EXOC3L2: variants seen among roughly 807,000 people sequenced by gnomAD.
EXOC3L2 encodes the protein exocyst complex component 3 like 2.
A neutral mutation model predicts 44.4 loss-of-function variants in EXOC3L2; 17 were observed. The ratio of observed to expected loss-of-function variants is 0.38; its 90% CI spans 0.26 to 0.57. The LOEUF (loss-of-function observed/expected upper bound fraction) is 0.57, where lower values mean the gene tolerates loss of function less well. Ranked by LOEUF, EXOC3L2 falls within the 20% of genes least tolerant of loss-of-function variation. The probability of loss-of-function intolerance (pLI) is 0.65; values close to 1 mark genes in which losing one functional copy is unlikely to be tolerated. For missense variants in EXOC3L2, 541 were observed against 588.4 expected, an observed-to-expected ratio of 0.92 and a Z score of 0.83; for synonymous variants, 256 against 253.7, an observed-to-expected ratio of 1.01 and a Z score of -0.09.
rs1970061896 is a variant in EXOC3L2, at chr19:45,234,438, C to T, written c.912G>A (p.Ala304=). The change falls in exon 3 of 12, where the codon GCG becomes GCA. Residue 304 remains alanine, a synonymous_variant. Transcript: ENST00000413988. This position sits in a 1 kb window ranked among gnomAD's most constrained non-coding sequence, Gnocchi z 5.0. ...ARAARERLEA[A]APGAPGGLAG... ...CCAGGCCCCCGGGCGCCCCGGGAGCCGCTGCCTCTAGGCGCTCCCGGGCCG... is the reference window on the plus strand; with the variant it reads ...CCAGGCCCCCGGGCGCCCCGGGAGCTGCTGCCTCTAGGCGCTCCCGGGCCG... The T allele has an allele frequency of 1.8e-5, 5 of 278,568 alleles. No homozygotes were observed. The South Asian group carries it at 7.3e-4, about 41-fold the overall frequency. 17.3% of individuals were successfully genotyped at this position (278,568 alleles called of 1,614,324 possible).
chr19:45,223,551 C>T (rs1969921355), intron 8 of EXOC3L2, among the ~76,000 whole-genome samples: 1 of 151,402 alleles, frequency 6.6e-6, no homozygotes, highest in African/African-American at 2.4e-5. Context: ...CCATATTGGC[C>T]AGGCTGGTCT....
chr19:45,216,011 C>T, intron 11 of EXOC3L2, 62 bp downstream of exon 11: 12 of 1,595,882 alleles, frequency 7.5e-6, no homozygotes, highest in Non-Finnish European at 1.0e-5. Context: ...GGGACGGATG[C>T]CAAGGCCGCC....
At chr19:45,239,157 C>G (rs1216410253) in intron 1 of EXOC3L2, 96 bp from the exon 2 acceptor site, 1 of 396,740 alleles carries the variant, frequency 2.5e-6, no homozygotes, top group South Asian at 1.4e-4. Flanking sequence ...GTGAGCGTAC[C>G]AGACACTTGC....
At chr19:45,226,784 G>A (rs1400782434) in intron 7 of EXOC3L2, among the ~76,000 whole-genome samples, 4 of 107,250 alleles carry the variant, frequency 3.7e-5, no homozygotes, top group African/African-American at 1.5e-4. Context: ...ACGGAGTCTC[G>A]CTCTGACGCC....
At chr19:45,220,136 G>C (rs895675041) in intron 8 of EXOC3L2, among the ~76,000 whole-genome samples, 5 of 152,036 alleles carry the variant, frequency 3.3e-5, no homozygotes, top group Admixed American at 1.3e-4. Context: ...TCAAGCCATT[G>C]CACTCCAGCC....
rs1020486096 is a variant in EXOC3L2 at position 45,225,414 on chromosome 19, G to A, written c.1584-501C>T. ...CTTCCGAGTAGCTGGGACTACAGGC[G>A]CCCACCACCACACCCAGCTAATTTT... On this transcript the variant is annotated intron_variant, in intron 7 of 11. Transcript: ENST00000413988. Among the ~76,000 whole-genome samples the A allele has an allele frequency of 6.6e-5, 10 of 150,852 alleles. No individual in the cohort carries two copies. The South Asian group carries it at 1.9e-3, about 29-fold the overall frequency.
chr19:45,217,733 C>T (rs1969852084), intron 9 of EXOC3L2, 50 bp from the exon 10 acceptor site: 1 of 1,382,686 alleles, frequency 7.2e-7, no homozygotes, highest in South Asian at 1.6e-5. Context: ...GCCCCACGGA[C>T]TCCCATCCCG....
intron 2 of EXOC3L2, among the ~76,000 whole-genome samples, chr19:45,237,064 A>C (rs1317868521): frequency 6.7e-6 from 1 of 149,140 alleles, no homozygotes; most frequent in East Asian, 1.9e-4. Context: ...GTGGGTGCTG[A>C]GAGGGGCCTG....
At position 45,212,394 on chromosome 19, in the gene EXOC3L2, T is replaced by C. The variant is rs139897432; in HGVS notation, c.*675A>G. Reference sequence around the variant, plus strand: ...CTTGTGTTAAATAGAAACCTCTTTATTCTAAGTATCGAACGTTCCTTAATA... The same window carrying C: ...CTTGTGTTAAATAGAAACCTCTTTACTCTAAGTATCGAACGTTCCTTAATA... On this transcript the variant is annotated 3_prime_UTR_variant, in exon 12 of 12. Transcript: ENST00000413988. Among the ~76,000 whole-genome samples, 2 of 152,274 alleles carry C rather than the reference T, an allele frequency of 1.3e-5. No individual in the cohort carries two copies. Among genetic ancestry groups the C allele is most frequent in the Non-Finnish European group, 2.9e-5 (2 of 68,020 alleles).
At chr19:45,214,813 C>T (rs1219319123) in intron 11 of EXOC3L2, among the ~76,000 whole-genome samples, 2 of 152,018 alleles carry the variant, frequency 1.3e-5, no homozygotes, top group Non-Finnish European at 2.9e-5. Flanking sequence ...GGTTCAAGTT[C>T]CACCTTTGCC....
At chr19:45,213,477 C>G in intron 11 of EXOC3L2, 120 bp from the exon 12 acceptor site, 1 of 1,192,198 alleles carries the variant, frequency 8.4e-7, no homozygotes, top group Admixed American at 2.5e-5. Flanking sequence ...GTTCTGGGGC[C>G]TCTGTGTCCC....
chr19:45,226,596 C>T (rs1294529687), intron 7 of EXOC3L2, among the ~76,000 whole-genome samples: 1 of 151,736 alleles, frequency 6.6e-6, no homozygotes, highest in African/African-American at 2.4e-5. Context: ...GCCATCATGC[C>T]CAGCTAATTT....
intron 8 of EXOC3L2, among the ~76,000 whole-genome samples, chr19:45,224,295 G>C (rs1170024266): frequency 1.3e-5 from 2 of 152,070 alleles, no homozygotes; most frequent in African/African-American, 2.4e-5. Flanking sequence ...CGTGAGCTGG[G>C]AGTTGTGGGA....
At chr19:45,241,756 C>G (rs1192770440) in intron 1 of EXOC3L2, among the ~76,000 whole-genome samples, 1 of 152,018 alleles carries the variant, frequency 6.6e-6, no homozygotes, top group Non-Finnish European at 1.5e-5. Flanking sequence ...CAGCCCCATG[C>G]CCCCTCCTCC....
intron 5 of EXOC3L2, 32 bp from the exon 6 acceptor site, chr19:45,228,106 G>A (rs767230359): frequency 1.2e-6 from 2 of 1,613,990 alleles, no homozygotes; most frequent in South Asian, 2.2e-5. Context: ...GAAGAGGTGA[G>A]GAGGGGCAAG....
intron 7 of EXOC3L2, among the ~76,000 whole-genome samples, chr19:45,227,356 C>T (rs1174341300): frequency 2.6e-5 from 4 of 151,840 alleles, no homozygotes; most frequent in African/African-American, 9.7e-5. Flanking sequence ...CTCCTGACCT[C>T]GTGACCCGCC....
In EXOC3L2 at chr19:45,234,899, G is replaced by C; in HGVS notation, c.524-73C>G. On this transcript the variant is annotated intron_variant, in intron 2 of 11. Coordinates refer to ENST00000413988, the MANE Select transcript of EXOC3L2 (RefSeq NM_001382422.1). This position sits in a 1 kb window ranked among gnomAD's most constrained non-coding sequence, Gnocchi z 5.0. ...CGATGCCGGACGCGGGGTTGGGGGT[G>C]CTTAGGAAGGGGAGAGAGATGAGGG... The C allele has an allele frequency of 5.2e-6, 2 of 382,248 alleles. No homozygotes were observed. The highest frequency in any genetic ancestry group is 9.3e-6 in the Non-Finnish European group (2 of 215,484). The allele number at this position is 382,248 out of a possible 1,614,324, so 23.7% of individuals were successfully genotyped here. A position where few individuals can be genotyped will look rare whatever the true frequency, so the allele number is the denominator to read the frequency against.
rs974496328 is a variant in EXOC3L2, at chr19:45,238,571, G to A, written c.475C>T (p.Pro159Ser). 8 of 399,732 alleles carry A rather than the reference G, an allele frequency of 2.0e-5. No individual in the cohort carries two copies. Among genetic ancestry groups the A allele is most frequent in the African/African-American group, 1.6e-4 (8 of 48,652 alleles). 24.8% of individuals were successfully genotyped at this position (399,732 alleles called of 1,614,324 possible). A position where few individuals can be genotyped will look rare whatever the true frequency, so the allele number is the denominator to read the frequency against. The change falls in exon 2 of 12, where the codon CCC becomes TCC. Residue 159 changes from proline to serine, a missense_variant. By Grantham distance (74) the Pro-to-Ser change is moderately conservative. Transcript: ENST00000413988. The surrounding 1 kb of genome is among the most constrained non-coding windows in gnomAD (Gnocchi z 5.5). Reference protein sequence around the residue: ...VVPAGEAAPEPPPKVPEPPKM... With the variant: ...VVPAGEAAPESPPKVPEPPKM... ...GGGGGCTCTGGGACCTTGGGTGGGGGCTCTGGAGCTGCCTCGCCTGCAGGC... is the reference window on the plus strand; with the variant it reads ...GGGGGCTCTGGGACCTTGGGTGGGGACTCTGGAGCTGCCTCGCCTGCAGGC...
chr19:45,242,861 CAAAAAAA>C (rs56175442), intron 1 of EXOC3L2, among the ~76,000 whole-genome samples: 6 of 85,634 alleles, frequency 7.0e-5, no homozygotes, highest in Non-Finnish European at 1.1e-4. Flanking sequence ...AACTCCATCT[CAAAAAAA>C]AAAAAAAAAA....
Sources: gnomAD v4.1 joint callset for allele counts (sites outside exome capture counted in the v4.1 genomes callset) on GRCh38, gnomAD v4.1.1 for gene constraint, Gnocchi (gnomAD v3.1) non-coding constraint, MANE v1.5 for transcripts, NCBI Gene and HGNC (gene_info 2026-07-23, HGNC 2026-07-21) for gene names.